Variants in PKP4 observed in about 807,000 individuals in gnomAD.
PKP4 encodes plakophilin 4, also known as plakophilin-4.
PKP4 carries 90 observed loss-of-function variants against 145.1 expected under a neutral mutation model. The ratio of observed to expected loss-of-function variants is 0.62; its 90% CI spans 0.52 to 0.74. The LOEUF is 0.74. Among genes scored for constraint, PKP4 ranks in the 30% least tolerant of loss-of-function variants. The pLI, the probability that PKP4 is intolerant of heterozygous loss-of-function variation, is 0.00. For missense variants in PKP4, 1,340 were observed against 1,482.7 expected (o/e 0.90, Z 1.58); for synonymous variants, 563 against 577.2 (o/e 0.98, Z 0.35).
chr2:158,496,922 C>T (rs1209976835), intron 1 of PKP4, among the ~76,000 whole-genome samples: 4 of 152,068 alleles, frequency 2.6e-5, no homozygotes, highest in African/African-American at 9.7e-5. Flanking sequence ...GGTTCCTGCA[C>T]TCTTGATAAG....
At chr2:158,520,131 T>G (rs2042248544) in intron 1 of PKP4, among the ~76,000 whole-genome samples, 1 of 152,242 alleles carries the variant, frequency 6.6e-6, no homozygotes. Flanking sequence ...CCAGTTTTCA[T>G]TAACCATTTT....
chr2:158,535,501 CT>C (rs1306094556), intron 2 of PKP4, among the ~76,000 whole-genome samples: 3 of 152,176 alleles, frequency 2.0e-5, no homozygotes, highest in African/African-American at 7.2e-5. Context: ...CTTCAAACTC[CT>C]GGGCTCAAGC....
chr2:158,641,760 A>T (rs1447683058), intron 10 of PKP4, among the ~76,000 whole-genome samples: 6 of 152,214 alleles, frequency 3.9e-5, no homozygotes. Flanking sequence ...TAGCCTAGAG[A>T]ACTCATTCTA....
intron 21 of PKP4, 30 bp downstream of exon 21, chr2:158,678,684 G>T (rs780377641): frequency 2.2e-6 from 3 of 1,357,538 alleles, no homozygotes; most frequent in East Asian, 2.3e-5. Context: ...TTTACAGAAG[G>T]CTGATTAGCA....
At chr2:158,492,664 A>G (rs757107555) in intron 1 of PKP4, among the ~76,000 whole-genome samples, 13 of 152,182 alleles carry the variant, frequency 8.5e-5, no homozygotes, top group Admixed American at 2.0e-4. Flanking sequence ...TTTGCCTGTT[A>G]CAATAGTATT....
At chr2:158,522,714 A>C (rs1177951009) in intron 1 of PKP4, among the ~76,000 whole-genome samples, 1 of 152,198 alleles carries the variant, frequency 6.6e-6, no homozygotes, top group Non-Finnish European at 1.5e-5. Context: ...TTTCCATCTG[A>C]GGTACCGGGT....
intron 6 of PKP4, among the ~76,000 whole-genome samples, chr2:158,621,635 A>G (rs911968054): frequency 6.6e-6 from 1 of 151,714 alleles, no homozygotes; most frequent in African/African-American, 2.4e-5. Flanking sequence ...AATCTCAGCA[A>G]CTCGGGAGGC....
At chr2:158,663,571 G>A in intron 15 of PKP4, 126 bp downstream of exon 15, 1 of 773,466 alleles carries the variant, frequency 1.3e-6, no homozygotes, top group Non-Finnish European at 2.1e-6. Context: ...TACTTAGCTT[G>A]TGTGTGAAGG....
chr2:158,601,198 T>C (rs1422182555), intron 3 of PKP4, among the ~76,000 whole-genome samples: 1 of 152,232 alleles, frequency 6.6e-6, no homozygotes, highest in Non-Finnish European at 1.5e-5. Flanking sequence ...GCTGGAATTA[T>C]ATTCTGTGAC....
intron 3 of PKP4, among the ~76,000 whole-genome samples, chr2:158,596,238 A>G (rs1280120102): frequency 6.6e-6 from 1 of 152,206 alleles, no homozygotes; most frequent in Non-Finnish European, 1.5e-5. Context: ...AAGTAAGATA[A>G]TAAAGAATTG....
chr2:158,651,175 C>T (rs2055328899), intron 11 of PKP4, among the ~76,000 whole-genome samples: 1 of 152,136 alleles, frequency 6.6e-6, no homozygotes, highest in African/African-American at 2.4e-5. Context: ...AGCCTTCAGC[C>T]CTGTTAGAAA....
chr2:158,584,252 C>G (rs1177692970), intron 3 of PKP4, among the ~76,000 whole-genome samples: 2 of 152,174 alleles, frequency 1.3e-5, no homozygotes, highest in Non-Finnish European at 2.9e-5. Context: ...CAGCTTTGCC[C>G]CATTGGCTCC....
At chr2:158,644,465 T>C (rs2054636467) in intron 11 of PKP4, among the ~76,000 whole-genome samples, 1 of 152,168 alleles carries the variant, frequency 6.6e-6, no homozygotes, top group South Asian at 2.1e-4. Flanking sequence ...TTGCTTGTAA[T>C]AATAATTCAG....
chr2:158,592,090 G>GTC (rs1340101200), intron 3 of PKP4, among the ~76,000 whole-genome samples: 1 of 152,034 alleles, frequency 6.6e-6, no homozygotes, highest in Non-Finnish European at 1.5e-5. Flanking sequence ...ACTTTACCCT[G>GTC]TCTCTCCATT....
chr2:158,649,719 A>G (rs1377487345), intron 11 of PKP4, among the ~76,000 whole-genome samples: 1 of 152,226 alleles, frequency 6.6e-6, no homozygotes, highest in Non-Finnish European at 1.5e-5. Context: ...AGACTTGGGT[A>G]TTCAAACATC....
At chr2:158,520,568 C>G (rs2042286043) in intron 1 of PKP4, among the ~76,000 whole-genome samples, 1 of 152,094 alleles carries the variant, frequency 6.6e-6, no homozygotes, top group Admixed American at 6.5e-5. Flanking sequence ...TATTCTTTTT[C>G]CATTCTGTGA....
intron 16 of PKP4, chr2:158,669,336 G>A (rs1431666211): frequency 6.5e-6 from 1 of 154,964 alleles, no homozygotes; most frequent in African/African-American, 2.4e-5. Flanking sequence ...GGAAATTGAG[G>A]TATTTGTGAT....
At chr2:158,566,979 G>T (rs893226792) in intron 2 of PKP4, among the ~76,000 whole-genome samples, 3 of 152,186 alleles carry the variant, frequency 2.0e-5, no homozygotes, top group African/African-American at 7.2e-5. Flanking sequence ...GGCATGCTAA[G>T]GCTGGAAACT....
At chr2:158,537,442 C>T (rs968744912) in intron 2 of PKP4, among the ~76,000 whole-genome samples, 3 of 152,106 alleles carry the variant, frequency 2.0e-5, no homozygotes, top group African/African-American at 7.2e-5. Flanking sequence ...CGGGTAACTA[C>T]TAAAGAAATG....
Sources: gnomAD v4.1 joint callset for allele counts (sites outside exome capture counted in the v4.1 genomes callset) on GRCh38, gnomAD v4.1.1 for gene constraint, MANE v1.5 for transcripts, NCBI Gene and HGNC (gene_info 2026-07-23, HGNC 2026-07-21) for gene names.